XRCC4: variants seen among roughly 807,000 people sequenced by gnomAD.
The protein encoded by XRCC4 is DNA repair protein XRCC4.
In XRCC4, 28 loss-of-function variants were observed where a neutral mutation model predicts 39.1. That is an observed-to-expected ratio of 0.72 (90% CI 0.53 to 0.98). The LOEUF is 0.98. Among genes scored for constraint, XRCC4 ranks in the 50% least tolerant of loss-of-function variants. The pLI is 0.00. For synonymous variants in XRCC4, 123 were observed against 126.4 expected (o/e 0.97, Z 0.18); for missense variants, 350 against 376.4 (o/e 0.93, Z 0.58).
chr5:83,309,089 C>G lies in XRCC4; in HGVS notation c.894-44042C>G, dbSNP rs1040854889. Among the ~76,000 whole-genome samples the G allele has an allele frequency of 3.3e-5, 5 of 150,144 alleles. No individual in the cohort carries two copies. In the East Asian group the frequency reaches 1.0e-3, roughly 30 times the overall value. ...GGTCAGGAGATCGAGACCATCCCAG[C>G]TAACATGGTGAAACGCTGTCTCTAC... On this transcript the variant is annotated intron_variant, in intron 7 of 7. Coordinates refer to ENST00000396027, the MANE Select transcript of XRCC4 (RefSeq NM_003401.5).
intron 7 of XRCC4, among the ~76,000 whole-genome samples, chr5:83,283,531 A>C (rs1376411927): frequency 6.6e-6 from 1 of 152,222 alleles, no homozygotes; most frequent in African/African-American, 2.4e-5. Flanking sequence ...CAGGTCCAAA[A>C]GCTCTCATAT....
chr5:83,350,683 A>AT (rs1757054162), intron 7 of XRCC4, among the ~76,000 whole-genome samples: 1 of 152,060 alleles, frequency 6.6e-6, no homozygotes, highest in African/African-American at 2.4e-5. Flanking sequence ...ACAGATGCAT[A>AT]TTTTGAGGAT....
intron 6 of XRCC4, among the ~76,000 whole-genome samples, chr5:83,235,939 A>C (rs2112831019): frequency 6.6e-6 from 1 of 152,280 alleles, no homozygotes; most frequent in South Asian, 2.1e-4. Context: ...AAGATCTAAA[A>C]AAGAAACCAT....
At chr5:83,225,470 C>T (rs1395075991) in intron 6 of XRCC4, among the ~76,000 whole-genome samples, 1 of 151,838 alleles carries the variant, frequency 6.6e-6, no homozygotes, top group African/African-American at 2.4e-5. Context: ...TGTCCACCTG[C>T]TTGTTTTCTG....
intron 3 of XRCC4, among the ~76,000 whole-genome samples, chr5:83,153,605 G>A (rs1748821444): frequency 6.6e-6 from 1 of 152,140 alleles, no homozygotes; most frequent in Admixed American, 6.5e-5. Context: ...CTTCCTATCA[G>A]AATGACTAAA....
intron 7 of XRCC4, among the ~76,000 whole-genome samples, chr5:83,351,754 G>A (rs1757090433): frequency 6.6e-6 from 1 of 152,162 alleles, no homozygotes; most frequent in Admixed American, 6.5e-5. Context: ...GAATAAGACA[G>A]AACATGTCCC....
intron 6 of XRCC4, among the ~76,000 whole-genome samples, chr5:83,230,959 G>A (rs916639997): frequency 6.6e-6 from 1 of 151,492 alleles, no homozygotes; most frequent in African/African-American, 2.4e-5. Flanking sequence ...TATGCTGCCT[G>A]CTTGTTTAAA....
chr5:83,162,471 A>G (rs1298728658), intron 3 of XRCC4, among the ~76,000 whole-genome samples: 1 of 152,190 alleles, frequency 6.6e-6, no homozygotes, highest in Non-Finnish European at 1.5e-5. Flanking sequence ...TCAATGTGTA[A>G]TAATGGCTTA....
At position 83,203,679 on chromosome 5, in the gene XRCC4, G is replaced by T; in HGVS notation, c.610G>T (p.Glu204Ter). ...LHNKLLNAAQEREKDIKQEGE... is the reference protein window; with the variant it reads ...LHNKLLNAAQ The stretch of plus-strand genomic sequence containing the variant: ...TAATAAATTATTAAATGCAGCTCAA[G>T]AACGAGAAAAGGACATCAAACAAGA... The change falls in exon 5 of 8, where the codon GAA becomes TAA. Residue 204 changes from glutamate to a stop codon, truncating the protein, a stop_gained. Coordinates refer to ENST00000396027, the MANE Select transcript of XRCC4 (RefSeq NM_003401.5). LOFTEE classifies it high-confidence loss of function. 1 of 1,608,574 alleles carries T rather than the reference G, an allele frequency of 6.2e-7. No homozygotes were observed. Among genetic ancestry groups the T allele is most frequent in the South Asian group, 1.1e-5 (1 of 89,606 alleles).
chr5:83,349,679 T>C (rs1216985509), intron 7 of XRCC4, among the ~76,000 whole-genome samples: 17 of 152,228 alleles, frequency 1.1e-4, no homozygotes, highest in Admixed American at 1.1e-3. Flanking sequence ...TAAAACAAAA[T>C]TGATAGATCT....
chr5:83,333,989 C>T (rs1309906441), intron 7 of XRCC4, among the ~76,000 whole-genome samples: 8 of 152,002 alleles, frequency 5.3e-5, no homozygotes, highest in Non-Finnish European at 7.4e-5. Flanking sequence ...AGGCTGGTCT[C>T]GAACTCCTGA....
rs1174844162 is a variant in XRCC4 at position 83,281,503 on chromosome 5, TG to T, written c.893+22827del. On this transcript the variant is annotated intron_variant, in intron 7 of 7. Coordinates refer to ENST00000396027, the MANE Select transcript of XRCC4 (RefSeq NM_003401.5). The stretch of plus-strand genomic sequence containing the variant: ...GTCGAGTTTGCACTGTTTTTTGTTT[TG>T]TTTTTTTTTTTTAATTTTGTACCAT... Among the ~76,000 whole-genome samples the T allele has an allele frequency of 7.8e-5, 11 of 141,472 alleles. No individual in the cohort carries two copies. In the East Asian group the frequency reaches 8.1e-4, roughly 10 times the overall value. The allele number at this position is 141,472 out of a possible 152,430, so 92.8% of individuals were successfully genotyped here.
intron 3 of XRCC4, among the ~76,000 whole-genome samples, chr5:83,133,185 C>T (rs922301705): frequency 2.0e-5 from 3 of 152,142 alleles, no homozygotes; most frequent in Admixed American, 1.3e-4. Flanking sequence ...GTATGACCAT[C>T]GGAGGCTGCA....
chr5:83,240,309 T>G (rs1465239717), intron 6 of XRCC4, among the ~76,000 whole-genome samples: 4 of 152,126 alleles, frequency 2.6e-5, no homozygotes, highest in East Asian at 3.9e-4. Flanking sequence ...AGTATTAAAT[T>G]GACATTTTAG....
intron 7 of XRCC4, among the ~76,000 whole-genome samples, chr5:83,310,580 A>G (rs1304099289): frequency 6.6e-6 from 1 of 152,194 alleles, no homozygotes; most frequent in African/African-American, 2.4e-5. Context: ...CCTGGAATCT[A>G]TGGTGACATG....
chr5:83,202,978 T>C (rs1434401135), intron 4 of XRCC4, among the ~76,000 whole-genome samples: 1 of 152,090 alleles, frequency 6.6e-6, no homozygotes, highest in Non-Finnish European at 1.5e-5. Context: ...TAATCTCTCC[T>C]TGAATATATC....
chr5:83,178,595 A>T (rs1750067344), intron 3 of XRCC4, among the ~76,000 whole-genome samples: 1 of 152,182 alleles, frequency 6.6e-6, no homozygotes, highest in Non-Finnish European at 1.5e-5. Context: ...AAGGGCACTG[A>T]TGGCATTGGT....
intron 3 of XRCC4, among the ~76,000 whole-genome samples, chr5:83,135,180 G>A (rs367715296): frequency 4.6e-5 from 7 of 152,278 alleles, no homozygotes; most frequent in South Asian, 4.1e-4. Flanking sequence ...TCCAGGGTGA[G>A]GTGATGCCCC....
chr5:83,118,244 A>G (rs1746836297), intron 3 of XRCC4, among the ~76,000 whole-genome samples: 1 of 151,896 alleles, frequency 6.6e-6, no homozygotes, highest in Non-Finnish European at 1.5e-5. Context: ...ACCTGGGTTA[A>G]TATAATGGCT....
Sources: gnomAD v4.1 joint callset for allele counts (sites outside exome capture counted in the v4.1 genomes callset) on GRCh38, gnomAD v4.1.1 for gene constraint, MANE v1.5 for transcripts, NCBI Gene and HGNC (gene_info 2026-07-23, HGNC 2026-07-21) for gene names.